The following NKTR variants were observed in gnomAD, a reference collection of about 807,000 sequenced individuals.
NKTR encodes the protein NK-tumor recognition protein.
In NKTR, 67 loss-of-function variants were observed where a neutral mutation model predicts 156.3. The observed-to-expected ratio is 0.43, with a 90% CI of 0.35 to 0.53. The LOEUF (loss-of-function observed/expected upper bound fraction) is 0.53, where lower values mean the gene tolerates loss of function less well. Ranked by LOEUF, NKTR falls within the 20% of genes least tolerant of loss-of-function variation. NKTR has a pLI of 0.01. For missense variants in NKTR, 1,604 were observed against 1,730.9 expected, an observed-to-expected ratio of 0.93 and a Z score of 1.30; for synonymous variants, 640 against 596.6, an observed-to-expected ratio of 1.07 and a Z score of -1.06.
chr3:42,612,293 T>G (rs1274271344), intron 2 of NKTR: 2 of 152,204 alleles, frequency 1.3e-5, no homozygotes, highest in African/African-American at 4.8e-5. Context: ...AGTGAGTACC[T>G]GTTGATAGGG....
intron 6 of NKTR, chr3:42,629,929 T>G (rs1003771949): frequency 1.0e-6 from 1 of 985,368 alleles, no homozygotes; most frequent in Non-Finnish European, 1.2e-6. Flanking sequence ...TCAGAAGGGA[T>G]GGCAGATTGA....
chr3:42,646,131 G>T lies in NKTR; in HGVS notation c.*156G>T, dbSNP rs547904837. The T allele has an allele frequency of 3.6e-5, 17 of 478,842 alleles. No homozygotes were observed. In the East Asian group the frequency reaches 5.5e-4, roughly 16 times the overall value. 29.7% of individuals were successfully genotyped at this position (478,842 alleles called of 1,614,324 possible). A position where few individuals can be genotyped will look rare whatever the true frequency, so the allele number is the denominator to read the frequency against. ...CTGGTTCATTTACATGTGGGGAGAA[G>T]AATTTAAAATACAGATATGTCTCCT... is the stretch of plus-strand genomic sequence containing the variant. On this transcript the variant is annotated 3_prime_UTR_variant, in exon 17 of 17. Coordinates refer to ENST00000232978, the MANE Select transcript of NKTR (RefSeq NM_005385.4).
chr3:42,630,861 A>G lies in NKTR; in HGVS notation c.404+286A>G, dbSNP rs1031122410. 9 of 1,371,318 alleles carry G rather than the reference A, an allele frequency of 6.6e-6. No homozygotes were observed. The Middle Eastern group carries it at 1.3e-3, about 204-fold the overall frequency. 84.9% of individuals were successfully genotyped at this position (1,371,318 alleles called of 1,614,324 possible). On this transcript the variant is annotated intron_variant, in intron 7 of 16. Coordinates refer to ENST00000232978, the MANE Select transcript of NKTR (RefSeq NM_005385.4). ...CAAAATGGGTCGGATAGTAAGCAGT[A>G]CAATATCATGTGTCCCTGTAAGGAA...
chr3:42,604,064 A>G (rs973142564), intron 2 of NKTR, among the ~76,000 whole-genome samples: 19 of 152,196 alleles, frequency 1.2e-4, no homozygotes, highest in Middle Eastern at 3.4e-3. Flanking sequence ...AAATTGGTGC[A>G]TTTTATCTAA....
At position 42,639,678 on chromosome 3, in the gene NKTR, C is replaced by T. The variant is rs1369094946; in HGVS notation, c.3974C>T (p.Ser1325Leu). 6.2e-7 allele frequency: 1 copy of T among 1,613,798 alleles called. No individual in the cohort carries two copies. Among genetic ancestry groups the T allele is most frequent in the African/African-American group, 1.3e-5 (1 of 74,884 alleles). ...SRSRSKSETKSRHRTRSVSYS... is the reference protein window; with the variant it reads ...SRSRSKSETKLRHRTRSVSYS... Reference sequence around the variant, plus strand: ...TCTCGAAGTAAATCTGAAACCAAATCAAGACACAGAACAAGGTCTGTCTCC... The same window carrying T: ...TCTCGAAGTAAATCTGAAACCAAATTAAGACACAGAACAAGGTCTGTCTCC... Residue 1325 changes from serine to leucine, a missense_variant, in exon 13 of 17, where the codon TCA becomes TTA. By Grantham distance (145) the Ser-to-Leu change is moderately radical (BLOSUM62 -2). Around this residue, in one of 6 missense-constraint regions of NKTR, gnomAD observed 193 missense variants for 220.2 expected, o/e 0.88. Coordinates refer to ENST00000232978, the MANE Select transcript of NKTR (RefSeq NM_005385.4).
rs760822606 is a variant in NKTR at position 42,639,617 on chromosome 3, C to T, written c.3913C>T (p.Arg1305Trp). The part of the protein sequence containing the change: ...ESSSDEQTPS[R>W]DDDSQSRSPS... ...TTCAAGTGATGAGCAGACGCCTAGT[C>T]GGGATGATGATAGCCAGTCCAGGAG... Residue 1305 changes from arginine (R) to tryptophan (W), a missense_variant, in exon 13 of 17, where the codon CGG becomes TGG. Arg to Trp is a moderately radical substitution (Grantham distance 101). Around this residue, in one of 6 missense-constraint regions of NKTR, gnomAD observed 193 missense variants for 220.2 expected, o/e 0.88. Transcript: ENST00000232978. 32 of 1,614,018 alleles carry T rather than the reference C, an allele frequency of 2.0e-5. No individual in the cohort carries two copies. In the Middle Eastern group the frequency reaches 4.9e-4, roughly 25 times the overall value.
At chr3:42,621,593 C>T in intron 6 of NKTR, 77 bp downstream of exon 6, 6 of 1,458,408 alleles carry the variant, frequency 4.1e-6, no homozygotes, top group Non-Finnish European at 5.5e-6. Context: ...TATAGTTAAA[C>T]CAAGTTTAAT....
chr3:42,613,554 A>G (rs2976533), intron 2 of NKTR, among the ~76,000 whole-genome samples: 70,353 of 151,986 alleles, frequency 0.46, 18,886 homozygotes, highest in African/African-American at 0.74. Flanking sequence ...CTACCATATC[A>G]TCTATGTACA....
chr3:42,619,741 A>G, intron 5 of NKTR, 33 bp downstream of exon 5: 2 of 1,604,954 alleles, frequency 1.2e-6, no homozygotes, highest in East Asian at 4.5e-5. Flanking sequence ...CTTTTGTTTC[A>G]GTTCTGATAT....
chr3:42,638,285 T>G lies in NKTR; in HGVS notation c.2581T>G (p.Leu861Val), dbSNP rs33969824. Residue 861 changes from leucine (L) to valine (V), a missense_variant, in exon 13 of 17, where the codon TTG (leucine) becomes GTG (valine). Physicochemically the swap from Leu to Val is conservative, Grantham distance 32. This residue lies in a region of NKTR where 1,255 missense variants were observed against 1,243.7 expected (regional missense o/e 1.01). Transcript: ENST00000232978. Reference sequence around the variant, plus strand: ...ATGCCCTCATTCAAAAAAAAGAACTTTGAAAGAGAATCTTTCTGATCACCT... The same window carrying G: ...ATGCCCTCATTCAAAAAAAAGAACTGTGAAAGAGAATCTTTCTGATCACCT... ...RECPHSKKRT[L>V]KENLSDHLRN... 0.14 allele frequency: 229,111 copies of G among 1,605,800 alleles called. 18,574 individuals carry two copies. Among genetic ancestry groups the G allele is most frequent in the African/African-American group, 0.3 (22,194 of 74,104 alleles).
chr3:42,627,476 G>C (rs1708493948), intron 6 of NKTR: 2 of 985,324 alleles, frequency 2.0e-6, no homozygotes, highest in South Asian at 4.7e-5. Flanking sequence ...TTAGTTTATA[G>C]TATGGTTTTA....
intron 10 of NKTR, 151 bp from the exon 11 acceptor site, chr3:42,634,462 T>C (rs975499217): frequency 4.1e-6 from 2 of 491,824 alleles, no homozygotes; most frequent in Non-Finnish European, 7.3e-6. Flanking sequence ...TCATTAAATA[T>C]TTTTTAAAGC....
chr3:42,608,716 T>C (rs1433176272), intron 2 of NKTR, among the ~76,000 whole-genome samples: 2 of 152,214 alleles, frequency 1.3e-5, no homozygotes, highest in African/African-American at 4.8e-5. Flanking sequence ...AACCAAGGCA[T>C]GGTTTTTCTG....
At position 42,639,274 on chromosome 3, in the gene NKTR, A is replaced by G; in HGVS notation, c.3570A>G (p.Glu1190=). The part of the protein sequence containing the change: ...SSMSESKVLG[E]VGKQDSSSAS... ...TGTCCGAAAGTAAAGTGTTGGGTGAAGTGGGGAAACAGGACAGCAGCTCTG... is the reference window on the plus strand; with the variant it reads ...TGTCCGAAAGTAAAGTGTTGGGTGAGGTGGGGAAACAGGACAGCAGCTCTG... Residue 1190 remains glutamate (E), a synonymous_variant, in exon 13 of 17, where the codon GAA becomes GAG. Transcript: ENST00000232978. 1.2e-6 allele frequency: 2 copies of G among 1,614,192 alleles called. No homozygotes were observed. Among genetic ancestry groups the G allele is most frequent in the Non-Finnish European group, 1.7e-6 (2 of 1,180,024 alleles).
At chr3:42,634,976 A>T in intron 11 of NKTR, 1 of 453,308 alleles carries the variant, frequency 2.2e-6, no homozygotes, top group South Asian at 4.5e-5. Flanking sequence ...TGTGGATTAC[A>T]GGTGAATCTC....
chr3:42,619,290 A>G, intron 4 of NKTR, 163 bp downstream of exon 4: 1 of 1,418,326 alleles, frequency 7.1e-7, no homozygotes, highest in Non-Finnish European at 9.2e-7. Flanking sequence ...AATGTATGAA[A>G]AAGCAAAGTA....
At chr3:42,605,510 G>T (rs1706146970) in intron 2 of NKTR, among the ~76,000 whole-genome samples, 2 of 152,218 alleles carry the variant, frequency 1.3e-5, no homozygotes, top group South Asian at 4.1e-4. Flanking sequence ...CCTTGGTCAA[G>T]CCGTTTAACA....
intron 6 of NKTR, among the ~76,000 whole-genome samples, chr3:42,624,241 C>T (rs1708168725): frequency 6.6e-6 from 1 of 150,984 alleles, no homozygotes; most frequent in African/African-American, 2.4e-5. Context: ...AATGATTTTG[C>T]TCTCGGGGGT....
chr3:42,633,310 G>T, intron 9 of NKTR: 1 of 1,135,786 alleles, frequency 8.8e-7, no homozygotes, highest in Non-Finnish European at 1.1e-6. Flanking sequence ...CTAAAGTACT[G>T]GGATTACAGG....
Sources: allele counts gnomAD v4.1 joint callset (sites outside exome capture counted in the v4.1 genomes callset), GRCh38; gene constraint gnomAD v4.1.1; regional missense constraint gnomAD v4.1.1; transcripts MANE v1.5; gene names NCBI Gene and HGNC (gene_info 2026-07-23, HGNC 2026-07-21).